Variants in TMPPE observed in about 807,000 individuals in gnomAD.
The protein encoded by TMPPE is transmembrane protein with metallophosphoesterase domain.
TMPPE carries 16 observed loss-of-function variants against 22.6 expected under a neutral mutation model. The observed-to-expected ratio is 0.71, with a 90% CI of 0.48 to 1.08. The LOEUF (loss-of-function observed/expected upper bound fraction) is 1.08. TMPPE is among the 50% of genes least tolerant of loss of function. TMPPE has a pLI of 0.00. For synonymous variants in TMPPE, 240 were observed against 245.3 expected, an observed-to-expected ratio of 0.98 and a Z score of 0.20; for missense variants, 526 against 584.3, an observed-to-expected ratio of 0.90 and a Z score of 1.03.
In TMPPE at chr3:33,090,633, G is replaced by A; in HGVS notation, c.*2201C>T. On this transcript the variant is annotated 3_prime_UTR_variant, in exon 2 of 2. Coordinates refer to ENST00000342462, the MANE Select transcript of TMPPE (RefSeq NM_001039770.3). ...GCCACAAACAAACAAAAAGGTCCAT[G>A]GTTTAAGAATGTTGAACAAAGGGAC... The A allele has an allele frequency of 1.0e-6, 1 of 985,404 alleles. No homozygotes were observed. The allele number at this position is 985,404 out of a possible 1,614,324, so 61.0% of individuals were successfully genotyped here. A position where few individuals can be genotyped will look rare whatever the true frequency, so the allele number is the denominator to read the frequency against.
rs911699153 is a variant in TMPPE, at chr3:33,092,741, C to A, written c.*93G>T. 2 of 1,504,702 alleles carry A rather than the reference C, an allele frequency of 1.3e-6. No individual in the cohort carries two copies. Among genetic ancestry groups the A allele is most frequent in the Non-Finnish European group, 1.8e-6 (2 of 1,129,768 alleles). 93.2% of individuals were successfully genotyped at this position (1,504,702 alleles called of 1,614,324 possible). ...GGGTGTGTAGGCAAGGATGAGTGGG[C>A]AAGGCTGGAGGGGAAAAGCAGGCAA... On this transcript the variant is annotated 3_prime_UTR_variant, in exon 2 of 2. Coordinates refer to ENST00000342462, the MANE Select transcript of TMPPE (RefSeq NM_001039770.3).
chr3:33,093,562 G>A lies in TMPPE; in HGVS notation c.634C>T (p.Leu212Phe), dbSNP rs1700866534. The change falls in exon 2 of 2, where the codon CTC becomes TTC. Residue 212 changes from leucine (L) to phenylalanine (F), a missense_variant. Physicochemically the swap from Leu to Phe is conservative, Grantham distance 22. Transcript: ENST00000342462. This position sits in a 1 kb window ranked among gnomAD's most constrained non-coding sequence, Gnocchi z 6.0. ...ASMNNLKIVL[L>F]SDIHLGPTVG... ...GTGGGGCCCAAGTGAATGTCTGAGA[G>A]GAGCACGATCTTGAGGTTGTTCATT... 3 of 1,614,234 alleles carry A rather than the reference G, an allele frequency of 1.9e-6. No homozygotes were observed. The highest frequency in any genetic ancestry group is 2.2e-5 in the East Asian group (1 of 44,884).
chr3:33,094,158 G>T lies in TMPPE; in HGVS notation c.38C>A (p.Ala13Asp), dbSNP rs766572686. The change falls in exon 2 of 2, where the codon GCC (alanine) becomes GAC (aspartate). Residue 13 changes from alanine to aspartate, a missense_variant. By Grantham distance (126) the Ala-to-Asp change is moderately radical. Coordinates refer to ENST00000342462, the MANE Select transcript of TMPPE (RefSeq NM_001039770.3). ...GAAGACAGTGACAGCAGCCAGGGTG[G>T]CCTTCGCGCCTAGGGACAGCTGCCT... is the stretch of plus-strand genomic sequence containing the variant. ...IFRQLSLGAKATLAAVTVFVS... is the reference protein window; with the variant it reads ...IFRQLSLGAKDTLAAVTVFVS... The T allele has an allele frequency of 6.2e-7, 1 of 1,611,818 alleles. No individual in the cohort carries two copies. Among genetic ancestry groups the T allele is most frequent in the Admixed American group, 1.7e-5 (1 of 59,918 alleles).
chr3:33,096,970 C>A lies in TMPPE; in HGVS notation c.-360G>T, dbSNP rs760908003. On this transcript the variant is annotated 5_prime_UTR_variant, in exon 1 of 2. Transcript: ENST00000342462. ...CAGCCCGGTTCCCCGCCAGCCTGTC[C>A]CCTAGCAATGCCTCCCCGTACCCGG... 6.2e-7 allele frequency: 1 copy of A among 1,604,768 alleles called. No homozygotes were observed. Among genetic ancestry groups the A allele is most frequent in the East Asian group, 2.3e-5 (1 of 44,038 alleles).
In TMPPE at chr3:33,093,070, T is replaced by G. The variant is rs1360633797; in HGVS notation, c.1126A>C (p.Arg376=). The G allele has an allele frequency of 3.1e-6, 5 of 1,614,196 alleles. No individual in the cohort carries two copies. Among genetic ancestry groups the G allele is most frequent in the Non-Finnish European group, 4.2e-6 (5 of 1,180,028 alleles). The part of the protein sequence containing the change: ...LLAHQPLAAK[R]ALQARPDINL... ...ATATCTGGCCGAGCCTGGAGAGCTC[T>G]CTTGGCAGCCAGGGGCTGGTGAGCT... Residue 376 remains arginine (R), a synonymous_variant, in exon 2 of 2, where the codon AGA becomes CGA. Transcript: ENST00000342462. The surrounding 1 kb of genome is among the most constrained non-coding windows in gnomAD (Gnocchi z 6.0).
rs376640130 is a variant in TMPPE at position 33,093,235 on chromosome 3, T to G, written c.961A>C (p.Ser321Arg). 6.2e-7 allele frequency: 1 copy of G among 1,614,016 alleles called. No homozygotes were observed. The highest frequency in any genetic ancestry group is 1.3e-5 in the African/African-American group (1 of 74,922). ...ATCCAGTCCTCATCCTCACTCCCACTGCCACTGCCACCACCACCACGTTGG... is the reference window on the plus strand; with the variant it reads ...ATCCAGTCCTCATCCTCACTCCCACGGCCACTGCCACCACCACCACGTTGG... ...RAQRGGGGSG[S>R]GSEDEDWICL... The change falls in exon 2 of 2, where the codon AGT (serine) becomes CGT (arginine). Residue 321 changes from serine (S) to arginine (R), a missense_variant. Ser to Arg is a moderately radical substitution (Grantham distance 110). Coordinates refer to ENST00000342462, the MANE Select transcript of TMPPE (RefSeq NM_001039770.3). This position sits in a 1 kb window ranked among gnomAD's most constrained non-coding sequence, Gnocchi z 6.0.
At position 33,091,641 on chromosome 3, in the gene TMPPE, G is replaced by A. The variant is rs150633243; in HGVS notation, c.*1193C>T. 1,011 of 984,188 alleles carry A rather than the reference G, an allele frequency of 1.0e-3. 24 individuals carry two copies. The highest frequency in any genetic ancestry group is 0.01 in the East Asian group (90 of 8,796). 61.0% of individuals were successfully genotyped at this position (984,188 alleles called of 1,614,324 possible). A position where few individuals can be genotyped will look rare whatever the true frequency, so the allele number is the denominator to read the frequency against. On this transcript the variant is annotated 3_prime_UTR_variant, in exon 2 of 2. Coordinates refer to ENST00000342462, the MANE Select transcript of TMPPE (RefSeq NM_001039770.3). Reference sequence around the variant, plus strand: ...GACAAAACAATCTTGAGGTAGATACGATAATTATCCCCATTTTAGGGTTGA... The same window carrying A: ...GACAAAACAATCTTGAGGTAGATACAATAATTATCCCCATTTTAGGGTTGA...
Position 33,096,881 on chromosome 3 carries a change from C to G in TMPPE, c.-271G>C. 1 of 1,442,572 alleles carries G rather than the reference C, an allele frequency of 6.9e-7. No individual in the cohort carries two copies. Among genetic ancestry groups the G allele is most frequent in the Non-Finnish European group, 9.1e-7 (1 of 1,096,262 alleles). The allele number at this position is 1,442,572 out of a possible 1,614,324, so 89.4% of individuals were successfully genotyped here. A position where few individuals can be genotyped will look rare whatever the true frequency, so the allele number is the denominator to read the frequency against. On this transcript the variant is annotated 5_prime_UTR_variant, in exon 1 of 2. Transcript: ENST00000342462. ...CTGCCTGCGTTCCGCCGGCCGCGAG[C>G]CTGCTGGGGGGCACTTCGGGGCTCA...
chr3:33,096,371 G>T, intron 1 of TMPPE: 1 of 981,112 alleles, frequency 1.0e-6, no homozygotes, highest in Non-Finnish European at 1.2e-6. Flanking sequence ...CCCGATCAAC[G>T]ATGGCATCCC....
rs1700779681 is a variant in TMPPE at position 33,091,912 on chromosome 3, A to G, written c.*922T>C. ...ATCTATTGCTTCTGGCAAAAGGGCA[A>G]AAGCACCGCTTTTACTGGGAGGTAC... On this transcript the variant is annotated 3_prime_UTR_variant, in exon 2 of 2. Coordinates refer to ENST00000342462, the MANE Select transcript of TMPPE (RefSeq NM_001039770.3). 1 of 985,364 alleles carries G rather than the reference A, an allele frequency of 1.0e-6. No homozygotes were observed. The highest frequency in any genetic ancestry group is 1.7e-5 in the African/African-American group (1 of 57,242). The allele number at this position is 985,364 out of a possible 1,614,324, so 61.0% of individuals were successfully genotyped here. A position where few individuals can be genotyped will look rare whatever the true frequency, so the allele number is the denominator to read the frequency against.
At chr3:33,096,264 CA>C (rs1701021752) in intron 1 of TMPPE, 1 of 466,622 alleles carries the variant, frequency 2.1e-6, no homozygotes, top group Admixed American at 6.4e-5. Context: ...GCCCCTCAGC[CA>C]GTCGCCTCAG....
chr3:33,093,420 A>G lies in TMPPE; in HGVS notation c.776T>C (p.Val259Ala). 6.2e-7 allele frequency: 1 copy of G among 1,614,090 alleles called. No homozygotes were observed. Among genetic ancestry groups the G allele is most frequent in the Non-Finnish European group, 8.5e-7 (1 of 1,180,026 alleles). ...TGAATGAAGCTGGCCCAGAGGAGCGACAGCCGTCCGCAGGACCGAGGCTTC... is the reference window on the plus strand; with the variant it reads ...TGAATGAAGCTGGCCCAGAGGAGCGGCAGCCGTCCGCAGGACCGAGGCTTC... The part of the protein sequence containing the change: ...DSEASVLRTA[V>A]APLGQLHSHL... The change falls in exon 2 of 2, where the codon GTC (valine) becomes GCC (alanine). Residue 259 changes from valine (V) to alanine (A), a missense_variant. Physicochemically the swap from Val to Ala is moderately conservative, Grantham distance 64 (BLOSUM62 0). Coordinates refer to ENST00000342462, the MANE Select transcript of TMPPE (RefSeq NM_001039770.3). The surrounding 1 kb of genome is among the most constrained non-coding windows in gnomAD (Gnocchi z 6.0).
chr3:33,095,269 T>C (rs1204120762), intron 1 of TMPPE, among the ~76,000 whole-genome samples: 1 of 143,304 alleles, frequency 7.0e-6, no homozygotes, highest in African/African-American at 2.6e-5. Flanking sequence ...ACAGCTAAAA[T>C]TTAGTTAAAA....
Position 33,096,806 on chromosome 3 carries a change from G to A in TMPPE, c.-196C>T. 1.5e-6 allele frequency: 2 copies of A among 1,360,698 alleles called. No homozygotes were observed. Among genetic ancestry groups the A allele is most frequent in the African/African-American group, 3.1e-5 (2 of 64,586 alleles). 84.3% of individuals were successfully genotyped at this position (1,360,698 alleles called of 1,614,324 possible). On this transcript the variant is annotated 5_prime_UTR_variant, in exon 1 of 2. Coordinates refer to ENST00000342462, the MANE Select transcript of TMPPE (RefSeq NM_001039770.3). Reference sequence around the variant, plus strand: ...GAACGCACAAGCGACCGAGCTGCCTGGAAGGACGCGCGCCCCGCCCGGCCC... The same window carrying A: ...GAACGCACAAGCGACCGAGCTGCCTAGAAGGACGCGCGCCCCGCCCGGCCC...
intron 1 of TMPPE, among the ~76,000 whole-genome samples, chr3:33,095,081 G>A (rs966675296): frequency 6.6e-6 from 1 of 151,948 alleles, no homozygotes; most frequent in Non-Finnish European, 1.5e-5. Context: ...CATGGTGGTG[G>A]ATGCATGTAA....
In TMPPE at chr3:33,096,944, C is replaced by T; in HGVS notation, c.-334G>A. ...TGCGGGACCGCGGGTGGCTGCGACC[C>T]CAGCCCGGTTCCCCGCCAGCCTGTC... On this transcript the variant is annotated 5_prime_UTR_variant, in exon 1 of 2. Transcript: ENST00000342462. The T allele has an allele frequency of 1.3e-6, 2 of 1,574,082 alleles. No homozygotes were observed. Among genetic ancestry groups the T allele is most frequent in the South Asian group, 1.2e-5 (1 of 86,400 alleles).
In TMPPE at chr3:33,097,017, G is replaced by T. The variant is rs780964758; in HGVS notation, c.-407C>A. 7 of 1,612,082 alleles carry T rather than the reference G, an allele frequency of 4.3e-6. No homozygotes were observed. Among genetic ancestry groups the T allele is most frequent in the Non-Finnish European group, 5.1e-6 (6 of 1,178,938 alleles). Reference sequence around the variant, plus strand: ...CCGGGTCCCGCAGACTTACGCGCAAGCCGCGCGTAGGGCCCAGAAGCAGCA... The same window carrying T: ...CCGGGTCCCGCAGACTTACGCGCAATCCGCGCGTAGGGCCCAGAAGCAGCA... On this transcript the variant is annotated 5_prime_UTR_variant, in exon 1 of 2. Transcript: ENST00000342462.
chr3:33,095,345 G>A (rs368825419), intron 1 of TMPPE, among the ~76,000 whole-genome samples: 16 of 151,506 alleles, frequency 1.1e-4, no homozygotes, highest in Middle Eastern at 3.4e-3. Context: ...GTGAAACCCC[G>A]TCTCTACTAA....
chr3:33,091,969 A>G lies in TMPPE; in HGVS notation c.*865T>C, dbSNP rs574045039. ...TGGTTTCTAGCCCCAAATCTCCTAC[A>G]TATCTTGTCATACTGCCTGTGCCCT... On this transcript the variant is annotated 3_prime_UTR_variant, in exon 2 of 2. Coordinates refer to ENST00000342462, the MANE Select transcript of TMPPE (RefSeq NM_001039770.3). 4.1e-6 allele frequency: 4 copies of G among 984,104 alleles called. No homozygotes were observed. The highest frequency in any genetic ancestry group is 1.2e-4 in the Admixed American group (2 of 16,278). The allele number at this position is 984,104 out of a possible 1,614,324, so 61.0% of individuals were successfully genotyped here. A position where few individuals can be genotyped will look rare whatever the true frequency, so the allele number is the denominator to read the frequency against.
Sources: allele counts gnomAD v4.1 joint callset (sites outside exome capture counted in the v4.1 genomes callset), GRCh38; gene constraint gnomAD v4.1.1; non-coding constraint Gnocchi (gnomAD v3.1); transcripts MANE v1.5; gene names NCBI Gene and HGNC (gene_info 2026-07-23, HGNC 2026-07-21).